Variants in GMDS observed in about 807,000 individuals in gnomAD.
GMDS encodes the protein GDP-mannose 4,6 dehydratase.
Under a neutral mutation model 49.9 loss-of-function variants are expected in GMDS, and 20 were observed. The ratio of observed to expected loss-of-function variants is 0.40; its 90% CI spans 0.28 to 0.58. The LOEUF (loss-of-function observed/expected upper bound fraction) is 0.58. Ranked by LOEUF, GMDS falls within the 20% of genes least tolerant of loss-of-function variation. GMDS has a pLI of 0.42. For missense variants in GMDS, 362 were observed against 481.4 expected (o/e 0.75, Z 2.32); for synonymous variants, 177 against 178.6 (o/e 0.99, Z 0.07).
At chr6:1,776,249 C>T (rs766034391) in intron 7 of GMDS, among the ~76,000 whole-genome samples, 1 of 152,228 alleles carries the variant, frequency 6.6e-6, no homozygotes, top group Non-Finnish European at 1.5e-5. Flanking sequence ...AGTCAGAGGA[C>T]AGTTGCTGCC....
chr6:1,902,280 G>C (rs1286552294), intron 7 of GMDS, among the ~76,000 whole-genome samples: 2 of 152,026 alleles, frequency 1.3e-5, no homozygotes, highest in African/African-American at 4.8e-5. Flanking sequence ...CTAAAATATA[G>C]AATAAAAGGC....
intron 8 of GMDS, among the ~76,000 whole-genome samples, chr6:1,729,599 A>G (rs760221853): frequency 1.3e-4 from 20 of 152,232 alleles, no homozygotes; most frequent in Non-Finnish European, 2.6e-4. Context: ...TACATGAAAC[A>G]CTTGTATTAA....
At chr6:1,667,633 T>A (rs1431604174) in intron 9 of GMDS, among the ~76,000 whole-genome samples, 1 of 152,032 alleles carries the variant, frequency 6.6e-6, no homozygotes, top group Non-Finnish European at 1.5e-5. Context: ...GAAAAATTGA[T>A]GGTGACAGTC....
At chr6:1,675,590 T>C (rs1476981671) in intron 9 of GMDS, among the ~76,000 whole-genome samples, 4 of 152,122 alleles carry the variant, frequency 2.6e-5, no homozygotes, top group African/African-American at 4.8e-5. Context: ...CGGTGGCTCA[T>C]GCCTGTAATC....
intron 7 of GMDS, among the ~76,000 whole-genome samples, chr6:1,815,375 G>A (rs1770613068): frequency 6.6e-6 from 1 of 152,198 alleles, no homozygotes; most frequent in African/African-American, 2.4e-5. Flanking sequence ...GAGAAAAATA[G>A]TTACAGCAGA....
At chr6:1,915,850 G>A (rs1221688210) in intron 7 of GMDS, among the ~76,000 whole-genome samples, 3 of 152,142 alleles carry the variant, frequency 2.0e-5, no homozygotes, top group South Asian at 4.1e-4. Context: ...TACGCAATAA[G>A]GTTTTGAACT....
chr6:2,127,571 T>TG (rs1775517931), intron 1 of GMDS, among the ~76,000 whole-genome samples: 1 of 152,222 alleles, frequency 6.6e-6, no homozygotes, highest in Admixed American at 6.5e-5. Flanking sequence ...CCAACCACAC[T>TG]GGAACATTCT....
At chr6:2,032,331 C>T (rs72830126) in intron 4 of GMDS, among the ~76,000 whole-genome samples, 7,241 of 152,244 alleles carry the variant, frequency 0.048, 272 homozygotes, top group Non-Finnish European at 0.069. Context: ...TGTCTTTTAT[C>T]TTCTTCTTAT....
intron 7 of GMDS, among the ~76,000 whole-genome samples, chr6:1,814,526 C>T (rs1293898735): frequency 2.6e-5 from 4 of 151,978 alleles, no homozygotes; most frequent in Admixed American, 6.6e-5. Flanking sequence ...CAAGAGAGCA[C>T]GTTAAACACG....
intron 1 of GMDS, among the ~76,000 whole-genome samples, chr6:2,154,917 T>C (rs1346748888): frequency 8.7e-6 from 1 of 115,132 alleles, no homozygotes; most frequent in East Asian, 2.6e-4. Context: ...AAGAATAATA[T>C]AAAAAGTTGA....
At chr6:2,105,560 CAATT>C (rs979710574) in intron 4 of GMDS, among the ~76,000 whole-genome samples, 4 of 152,296 alleles carry the variant, frequency 2.6e-5, no homozygotes, top group South Asian at 2.1e-4. Context: ...CACCATGTAA[CAATT>C]AATCCATGCA....
At chr6:1,762,038 T>C (rs1288087191) in intron 7 of GMDS, among the ~76,000 whole-genome samples, 1 of 152,232 alleles carries the variant, frequency 6.6e-6, no homozygotes, top group Non-Finnish European at 1.5e-5. Context: ...GATATAAACC[T>C]GATTACAGAA....
intron 7 of GMDS, among the ~76,000 whole-genome samples, chr6:1,755,043 C>T (rs952864758): frequency 6.6e-6 from 1 of 152,096 alleles, no homozygotes; most frequent in Non-Finnish European, 1.5e-5. Flanking sequence ...GGCAATCAGG[C>T]AAGAGAAAGA....
chr6:2,000,013 T>TTATATATA (rs1404004511), intron 4 of GMDS, among the ~76,000 whole-genome samples: 1 of 10,202 alleles, frequency 9.8e-5, no homozygotes, highest in Non-Finnish European at 2.3e-4. Flanking sequence ...TATATATTTT[T>TTATATATA]TATATATATA....
chr6:2,093,346 T>A (rs1196872193), intron 4 of GMDS, among the ~76,000 whole-genome samples: 1 of 152,192 alleles, frequency 6.6e-6, no homozygotes, highest in South Asian at 2.1e-4. Context: ...TTTTGCATTA[T>A]GCATTCTGTT....
intron 1 of GMDS, among the ~76,000 whole-genome samples, chr6:2,126,528 T>C (rs1775449780): frequency 6.6e-6 from 1 of 152,234 alleles, no homozygotes; most frequent in Non-Finnish European, 1.5e-5. Context: ...GCCAAGTGTG[T>C]GTTTACTACA....
In GMDS at chr6:2,064,799, A is replaced by G. The variant is rs529345558; in HGVS notation, c.345+50972T>C. On this transcript the variant is annotated intron_variant, in intron 4 of 10. Transcript: ENST00000380815. ...TTTCGTATGAGCTGATTCTTTGGGG[A>G]TGCCACAATAGACCACTTACAGAGT... 1.8e-4 allele frequency among the ~76,000 whole-genome samples: 27 copies of G among 152,282 alleles called. 1 individual carries two copies. In the East Asian group the frequency reaches 3.7e-3, roughly 21 times the overall value.
intron 7 of GMDS, among the ~76,000 whole-genome samples, chr6:1,745,780 C>A (rs376438046): frequency 6.6e-6 from 1 of 152,186 alleles, no homozygotes; most frequent in East Asian, 1.9e-4. Context: ...CTGGTTTCAA[C>A]AGAGGGATAG....
intron 8 of GMDS, among the ~76,000 whole-genome samples, chr6:1,728,268 G>A (rs1766662110): frequency 6.6e-6 from 1 of 152,114 alleles, no homozygotes; most frequent in Admixed American, 6.5e-5. Flanking sequence ...AAAGTTAATT[G>A]TTTAAGTAGA....
Sources: allele counts gnomAD v4.1 joint callset (sites outside exome capture counted in the v4.1 genomes callset), GRCh38; gene constraint gnomAD v4.1.1; transcripts MANE v1.5; gene names NCBI Gene and HGNC (gene_info 2026-07-23, HGNC 2026-07-21).